The following AKAP7 variants were observed in gnomAD, a reference collection of about 807,000 sequenced individuals.
The protein encoded by AKAP7 is A kinase (PRKA) anchor protein 7.
In AKAP7, 39 loss-of-function variants were observed where a neutral mutation model predicts 39.5. That is an observed-to-expected ratio of 0.99 (90% CI 0.76 to 1.29). AKAP7 has a LOEUF of 1.29. Ranked by LOEUF, AKAP7 falls within the 50% of genes most tolerant of loss-of-function variation. The pLI is 0.00. For synonymous variants in AKAP7, 140 were observed against 139.1 expected (o/e 1.01, Z -0.05); for missense variants, 414 against 407.7 (o/e 1.02, Z -0.13).
intron 7 of AKAP7, among the ~76,000 whole-genome samples, chr6:131,261,867 A>G (rs1813374518): frequency 6.6e-6 from 1 of 152,272 alleles, no homozygotes; most frequent in Non-Finnish European, 1.5e-5. Flanking sequence ...TAACAGAGAG[A>G]ATTTAACGTA....
intron 7 of AKAP7, chr6:131,250,699 T>C (rs1812378535): frequency 7.1e-7 from 1 of 1,411,954 alleles, no homozygotes; most frequent in Non-Finnish European, 1.0e-6. Flanking sequence ...TTGCTCTTTT[T>C]TTAATGGGAA....
intron 1 of AKAP7, among the ~76,000 whole-genome samples, chr6:131,138,607 A>T (rs934838524): frequency 2.0e-5 from 3 of 152,214 alleles, no homozygotes; most frequent in Admixed American, 2.0e-4. Context: ...ACATTGCTAT[A>T]GTCAGTGTAT....
At chr6:131,269,495 A>C (rs565220322) in intron 7 of AKAP7, among the ~76,000 whole-genome samples, 9 of 152,310 alleles carry the variant, frequency 5.9e-5, no homozygotes, top group Middle Eastern at 3.4e-3. Context: ...ACCAAAATTC[A>C]GGGAGGAAAC....
At chr6:131,221,894 G>T (rs1290986428) in intron 7 of AKAP7, among the ~76,000 whole-genome samples, 1 of 152,184 alleles carries the variant, frequency 6.6e-6, no homozygotes, top group Non-Finnish European at 1.5e-5. Flanking sequence ...AAGGAGTTTA[G>T]TGTTATTTTC....
chr6:131,169,336 G>A (rs1803810424), intron 5 of AKAP7, 63 bp downstream of exon 5: 2 of 1,551,240 alleles, frequency 1.3e-6, no homozygotes, highest in Non-Finnish European at 1.8e-6. Flanking sequence ...TTTCAATTTT[G>A]TAACAGAGAC....
At chr6:131,252,593 T>A (rs928546364) in intron 7 of AKAP7, among the ~76,000 whole-genome samples, 2 of 152,238 alleles carry the variant, frequency 1.3e-5, no homozygotes, top group African/African-American at 4.8e-5. Context: ...GTCCTTCTGG[T>A]AATAAGTGCC....
intron 3 of AKAP7, among the ~76,000 whole-genome samples, chr6:131,162,834 C>G (rs1328630118): frequency 2.6e-5 from 4 of 152,166 alleles, no homozygotes; most frequent in African/African-American, 9.7e-5. Flanking sequence ...TCAACTATCC[C>G]TTTCCTTGCC....
At chr6:131,151,291 C>T (rs746809132) in intron 2 of AKAP7, among the ~76,000 whole-genome samples, 15 of 151,606 alleles carry the variant, frequency 9.9e-5, no homozygotes, top group Non-Finnish European at 1.8e-4. Flanking sequence ...GATCCACCTG[C>T]CTCAGCCTCC....
rs55744190 is a variant in AKAP7 at position 131,161,644 on chromosome 6, C to CAAAAAAAAAAAAAAAAAAA, written c.291+1468_291+1486dup. ...TGGGTGACAGAGCCAGACTGTATCTCAAAAAAAAAAAAAAAAAAAAAAAAA... is the reference window on the plus strand; with the variant it reads ...TGGGTGACAGAGCCAGACTGTATCTCAAAAAAAAAAAAAAAAAAAAAAAAAAAAAAAAAAAAAAAAAAAA... On this transcript the variant is annotated intron_variant, in intron 3 of 7. Transcript: ENST00000431975. 5.1e-4 allele frequency among the ~76,000 whole-genome samples: 17 copies of CAAAAAAAAAAAAAAAAAAA among 33,624 alleles called. 2 individuals carry two copies. Among genetic ancestry groups the CAAAAAAAAAAAAAAAAAAA allele is most frequent in the Non-Finnish European group, 6.3e-4 (12 of 19,038 alleles). The allele number at this position is 33,624 out of a possible 152,430, so 22.1% of individuals were successfully genotyped here.
At chr6:131,154,236 T>A (rs903160204) in intron 2 of AKAP7, among the ~76,000 whole-genome samples, 1 of 152,176 alleles carries the variant, frequency 6.6e-6, no homozygotes, top group African/African-American at 2.4e-5. Context: ...CTTTATCATC[T>A]TCTAAGTTGA....
chr6:131,193,909 CTCTTATTT>C (rs1806660535), intron 5 of AKAP7, among the ~76,000 whole-genome samples: 1 of 151,946 alleles, frequency 6.6e-6, no homozygotes, highest in South Asian at 2.1e-4. Flanking sequence ...CATTTATCAG[CTCTTATTT>C]TATATATTTG....
At position 131,160,177 on chromosome 6, in the gene AKAP7, C is replaced by T. The variant is rs750826155; in HGVS notation, c.270C>T (p.Ser90=). The change falls in exon 3 of 8, where the codon TCC becomes TCT. Residue 90 remains serine (S), a synonymous_variant. Transcript: ENST00000431975. ...ATTATCAACCCAACTATTTCCTGTC[C>T]ATTCCAATCACCAACAAAGAGGTGC... ...RKDYQPNYFL[S]IPITNKEIIK... 1.2e-6 allele frequency: 2 copies of T among 1,601,284 alleles called. No homozygotes were observed. Among genetic ancestry groups the T allele is most frequent in the South Asian group, 1.1e-5 (1 of 87,766 alleles).
chr6:131,155,282 A>T (rs1354523114), intron 2 of AKAP7, among the ~76,000 whole-genome samples: 1 of 152,186 alleles, frequency 6.6e-6, no homozygotes, highest in Non-Finnish European at 1.5e-5. Context: ...ACAAAGTGCT[A>T]AGATTACAGG....
At chr6:131,131,395 C>A (rs2128220175), upstream of AKAP7, among the ~76,000 whole-genome samples, 1 of 152,090 alleles carries the variant, frequency 6.6e-6, no homozygotes, top group South Asian at 2.1e-4. Flanking sequence ...GCCACTCTTG[C>A]CACGCAACAG....
chr6:131,168,107 T>C (rs1803678498), intron 4 of AKAP7, among the ~76,000 whole-genome samples: 2 of 152,246 alleles, frequency 1.3e-5, no homozygotes, highest in Admixed American at 6.5e-5. Context: ...ATTGTAAACA[T>C]TTGTTTTTAT....
intron 7 of AKAP7, among the ~76,000 whole-genome samples, chr6:131,273,928 G>C (rs1585223351): frequency 6.7e-6 from 1 of 148,384 alleles, no homozygotes; most frequent in South Asian, 2.1e-4. Flanking sequence ...AAAGAATTCT[G>C]TGTTGCCTTT....
intron 5 of AKAP7, among the ~76,000 whole-genome samples, chr6:131,182,812 G>A (rs1049628758): frequency 4.6e-5 from 7 of 151,490 alleles, no homozygotes; most frequent in African/African-American, 9.7e-5. Flanking sequence ...TTTTGATAAT[G>A]GCCCTTTTTT....
intron 6 of AKAP7, among the ~76,000 whole-genome samples, chr6:131,201,330 C>T (rs1333820233): frequency 1.3e-5 from 2 of 152,144 alleles, no homozygotes; most frequent in African/African-American, 4.8e-5. Context: ...GTGCTGGGCA[C>T]AGAGTGGTGA....
intron 1 of AKAP7, among the ~76,000 whole-genome samples, chr6:131,143,331 C>A (rs1801201070): frequency 6.6e-6 from 1 of 152,128 alleles, no homozygotes; most frequent in South Asian, 2.1e-4. Flanking sequence ...GCAGATCTCT[C>A]ATGAATGCCT....
Sources: allele counts gnomAD v4.1 joint callset (sites outside exome capture counted in the v4.1 genomes callset), GRCh38; gene constraint gnomAD v4.1.1; transcripts MANE v1.5; gene names NCBI Gene and HGNC (gene_info 2026-07-23, HGNC 2026-07-21).